TBC1D22A: variants seen among roughly 807,000 people sequenced by gnomAD.
TBC1D22A encodes the protein putative GTPase activator.
TBC1D22A carries 38 observed loss-of-function variants against 60.2 expected under a neutral mutation model. That is an observed-to-expected ratio of 0.63 (90% confidence interval 0.49 to 0.83). The LOEUF is 0.83. TBC1D22A is among the 40% of genes least tolerant of loss of function. The pLI is 0.00. For synonymous variants in TBC1D22A, 302 were observed against 281.7 expected (o/e 1.07, Z -0.72); for missense variants, 628 against 701.0 (o/e 0.90, Z 1.18).
intron 8 of TBC1D22A, among the ~76,000 whole-genome samples, chr22:46,922,270 T>C (rs2070802685): frequency 6.6e-6 from 1 of 152,188 alleles, no homozygotes; most frequent in Non-Finnish European, 1.5e-5. Flanking sequence ...TTGTGCCATG[T>C]TACCAGTGCC....
intron 11 of TBC1D22A, among the ~76,000 whole-genome samples, chr22:47,044,767 T>C (rs2062974310): frequency 6.6e-6 from 1 of 152,210 alleles, no homozygotes; most frequent in African/African-American, 2.4e-5. Flanking sequence ...TATCTATTCC[T>C]TCGGAGTGAC....
chr22:47,070,580 T>C (rs1420333641), intron 11 of TBC1D22A, among the ~76,000 whole-genome samples: 7 of 146,846 alleles, frequency 4.8e-5, no homozygotes, highest in African/African-American at 1.0e-4. Flanking sequence ...TGTTGTTTGG[T>C]TGGAGCGGAG....
chr22:46,977,268 C>A (rs1165234377), intron 9 of TBC1D22A, among the ~76,000 whole-genome samples: 1 of 152,158 alleles, frequency 6.6e-6, no homozygotes, highest in Non-Finnish European at 1.5e-5. Flanking sequence ...GTTTTTGGCT[C>A]ACTTTGGAGC....
At chr22:46,874,480 T>C (rs2067441140) in intron 4 of TBC1D22A, among the ~76,000 whole-genome samples, 1 of 151,668 alleles carries the variant, frequency 6.6e-6, no homozygotes, top group Non-Finnish European at 1.5e-5. Flanking sequence ...AGATGGTATC[T>C]CATTGTGGTT....
chr22:47,011,988 C>T (rs767497264), intron 10 of TBC1D22A, among the ~76,000 whole-genome samples: 4 of 151,968 alleles, frequency 2.6e-5, no homozygotes, highest in Non-Finnish European at 5.9e-5. Context: ...TCCTTTCCCA[C>T]CCCGCTCTGC....
rs572710051 is a variant in TBC1D22A, at chr22:46,826,008, G to A, written c.637+28388G>A. Among the ~76,000 whole-genome samples, 5 of 150,952 alleles carry A rather than the reference G, an allele frequency of 3.3e-5. No individual in the cohort carries two copies. The East Asian group carries it at 5.9e-4, about 18-fold the overall frequency. On this transcript the variant is annotated intron_variant, in intron 4 of 12. Coordinates refer to ENST00000337137, the MANE Select transcript of TBC1D22A (RefSeq NM_014346.5). Reference sequence around the variant, plus strand: ...CGCCATTCTCCTGCCTCAGCCTCCCGAGTAGCTGGGACTGCAGGTGCCCAC... The same window carrying A: ...CGCCATTCTCCTGCCTCAGCCTCCCAAGTAGCTGGGACTGCAGGTGCCCAC...
chr22:46,874,418 C>T (rs1204262100), intron 4 of TBC1D22A, among the ~76,000 whole-genome samples: 1 of 151,996 alleles, frequency 6.6e-6, no homozygotes, highest in Non-Finnish European at 1.5e-5. Context: ...AAAGGTGTTC[C>T]TTTTTCTCCA....
intron 9 of TBC1D22A, among the ~76,000 whole-genome samples, chr22:46,980,992 C>T (rs958679610): frequency 2.6e-5 from 4 of 152,056 alleles, no homozygotes; most frequent in African/African-American, 7.2e-5. Flanking sequence ...TACAAGACAC[C>T]GAAACCACAA....
chr22:46,980,977 C>G (rs136118), intron 9 of TBC1D22A, among the ~76,000 whole-genome samples: 32,103 of 152,174 alleles, frequency 0.21, 4,008 homozygotes, highest in East Asian at 0.28. Flanking sequence ...CAGCTATATG[C>G]TACTTACAAG....
At chr22:47,157,358 G>A (rs981775183) in intron 12 of TBC1D22A, among the ~76,000 whole-genome samples, 3 of 152,208 alleles carry the variant, frequency 2.0e-5, no homozygotes, top group Admixed American at 6.5e-5. Flanking sequence ...ATTCAAGTTC[G>A]TGACTGCAGA....
At chr22:46,864,770 C>T (rs189371913) in intron 4 of TBC1D22A, among the ~76,000 whole-genome samples, 17 of 152,174 alleles carry the variant, frequency 1.1e-4, no homozygotes, top group Admixed American at 4.6e-4. Flanking sequence ...GTGGTGTTCC[C>T]GAGGGAGTAC....
intron 12 of TBC1D22A, among the ~76,000 whole-genome samples, chr22:47,153,101 C>A (rs1004600457): frequency 1.2e-4 from 18 of 152,316 alleles, no homozygotes; most frequent in Admixed American, 9.8e-4. Flanking sequence ...CTTCCATTCT[C>A]AGAGGCACCT....
chr22:47,003,560 C>G (rs564091340), intron 10 of TBC1D22A, among the ~76,000 whole-genome samples: 9 of 145,612 alleles, frequency 6.2e-5, no homozygotes, highest in Admixed American at 6.1e-4. Context: ...ATACACACAC[C>G]CTACGCACAC....
intron 7 of TBC1D22A, among the ~76,000 whole-genome samples, chr22:46,901,854 G>A (rs1455418827): frequency 2.0e-5 from 3 of 152,206 alleles, no homozygotes; most frequent in African/African-American, 7.2e-5. Flanking sequence ...TCCTCTCCCA[G>A]AAATTATCTC....
In TBC1D22A at chr22:46,768,425, CAG is replaced by C. The variant is rs2083366276; in HGVS notation, c.62+5578_62+5579del. Among the ~76,000 whole-genome samples the C allele has an allele frequency of 2.1e-5, 3 of 140,998 alleles. No individual in the cohort carries two copies. In the Admixed American group the frequency reaches 2.4e-4, roughly 11 times the overall value. The allele number at this position is 140,998 out of a possible 152,430, so 92.5% of individuals were successfully genotyped here. ...GCTTGAACACAGGAGGCAGAGGTTG[CAG>C]TGAGCCAAGGTCGCGCCACCGCCCC... On this transcript the variant is annotated intron_variant, in intron 1 of 12. Transcript: ENST00000337137.
chr22:47,108,240 G>A (rs1343296202), intron 11 of TBC1D22A, among the ~76,000 whole-genome samples: 2 of 152,222 alleles, frequency 1.3e-5, no homozygotes, highest in Non-Finnish European at 1.5e-5. Flanking sequence ...TCCATTCAAA[G>A]ATGAGTACAC....
intron 3 of TBC1D22A, among the ~76,000 whole-genome samples, chr22:46,795,047 A>C (rs768226192): frequency 6.6e-6 from 1 of 152,252 alleles, no homozygotes; most frequent in Non-Finnish European, 1.5e-5. Context: ...AGCTCTCATT[A>C]GTTGAGAATG....
At chr22:47,120,105 T>C (rs150589046) in intron 12 of TBC1D22A, among the ~76,000 whole-genome samples, 1,633 of 152,304 alleles carry the variant, frequency 0.011, 18 homozygotes, top group Non-Finnish European at 0.017. Context: ...CCAGCACACC[T>C]GTAACTCTGT....
chr22:47,037,579 C>G (rs2062697118), intron 11 of TBC1D22A, among the ~76,000 whole-genome samples: 1 of 152,144 alleles, frequency 6.6e-6, no homozygotes, highest in Non-Finnish European at 1.5e-5. Flanking sequence ...TGCAGGGAGC[C>G]AAGCTTGCGC....
Sources: gnomAD v4.1 joint callset for allele counts (sites outside exome capture counted in the v4.1 genomes callset) on GRCh38, gnomAD v4.1.1 for gene constraint, MANE v1.5 for transcripts, NCBI Gene and HGNC (gene_info 2026-07-23, HGNC 2026-07-21) for gene names.